Variants in EHF observed in about 807,000 individuals in gnomAD.
EHF encodes the protein ETS homologous factor.
Under a neutral mutation model 45.1 loss-of-function variants are expected in EHF, and 14 were observed. The observed-to-expected ratio is 0.31, with a 90% CI of 0.21 to 0.49. The LOEUF (loss-of-function observed/expected upper bound fraction) is 0.49, where lower values mean the gene tolerates loss of function less well. EHF is among the 20% of genes least tolerant of loss of function. The pLI is 0.99. For missense variants in EHF, 282 were observed against 371.4 expected (o/e 0.76, Z 1.98); for synonymous variants, 136 against 131.8 (o/e 1.03, Z -0.22).
intron 1 of EHF, among the ~76,000 whole-genome samples, chr11:34,624,739 T>C (rs1392788583): frequency 6.6e-6 from 1 of 152,148 alleles, no homozygotes; most frequent in African/African-American, 2.4e-5. Flanking sequence ...TGCTAAAATG[T>C]TTATTATTCT....
intron 6 of EHF, 99 bp from the exon 7 acceptor site, chr11:34,656,809 T>G (rs75156053): frequency 7.4e-7 from 1 of 1,348,088 alleles, no homozygotes; most frequent in African/African-American, 1.5e-5. Context: ...AGGCATGCAG[T>G]AGGTGCTCAG....
At chr11:34,644,994 T>C in intron 2 of EHF, among the ~76,000 whole-genome samples, 1 of 152,192 alleles carries the variant, frequency 6.6e-6, no homozygotes, top group Admixed American at 6.5e-5. Context: ...ACCCTTGAAT[T>C]TGTTGGAATA....
At chr11:34,646,850 T>C (rs1441930296) in intron 3 of EHF, 166 bp downstream of exon 3, 7 of 880,848 alleles carry the variant, frequency 7.9e-6, no homozygotes, top group African/African-American at 6.7e-5. Context: ...AAGGACAGGA[T>C]TGAAGCATAG....
intron 4 of EHF, 130 bp downstream of exon 4, chr11:34,649,211 T>C: frequency 1.1e-6 from 1 of 873,982 alleles, no homozygotes. Context: ...TCCCTGGCTG[T>C]CTCTGATGGG....
intron 6 of EHF, among the ~76,000 whole-genome samples, chr11:34,655,556 A>T (rs1165490183): frequency 6.6e-6 from 1 of 152,190 alleles, no homozygotes; most frequent in Admixed American, 6.5e-5. Context: ...CTGGCTCCAC[A>T]TTCCAGCTGT....
chr11:34,622,311 G>A (rs1165277915), intron 1 of EHF: 1 of 699,804 alleles, frequency 1.4e-6, no homozygotes, highest in Non-Finnish European at 2.1e-6. Context: ...AGGTGTCTCT[G>A]CTGGTTATCT....
intron 2 of EHF, among the ~76,000 whole-genome samples, chr11:34,643,672 C>G (rs1311003090): frequency 6.6e-6 from 1 of 152,180 alleles, no homozygotes; most frequent in Admixed American, 6.5e-5. Context: ...AAAGGGTGAG[C>G]AGGTGAGCTT....
At position 34,660,088 on chromosome 11, in the gene EHF, A is replaced by G. The variant is rs1855992953; in HGVS notation, c.*1157A>G. 1 of 152,178 alleles carries G rather than the reference A, an allele frequency of 6.6e-6. No homozygotes were observed. The highest frequency in any genetic ancestry group is 1.5e-5 in the Non-Finnish European group (1 of 68,028). The allele number at this position is 152,178 out of a possible 1,614,324, so 9.4% of individuals were successfully genotyped here. A position where few individuals can be genotyped will look rare whatever the true frequency, so the allele number is the denominator to read the frequency against. On this transcript the variant is annotated 3_prime_UTR_variant, in exon 9 of 9. Coordinates refer to ENST00000257831, the MANE Select transcript of EHF (RefSeq NM_012153.6). The stretch of plus-strand genomic sequence containing the variant: ...GTCTTTTAGCTCCTTAGAGTGAAGC[A>G]AAAGCAAGACTTCAACCTCAACCTA...
chr11:34,656,781 C>A, intron 6 of EHF, 127 bp from the exon 7 acceptor site: 1 of 1,012,250 alleles, frequency 9.9e-7, no homozygotes, highest in Non-Finnish European at 1.4e-6. Context: ...GGTTCACTAG[C>A]ACATACTCAA....
intron 2 of EHF, among the ~76,000 whole-genome samples, chr11:34,643,423 A>G (rs530341249): frequency 4.2e-4 from 64 of 152,274 alleles, no homozygotes; most frequent in African/African-American, 1.5e-3. Flanking sequence ...TCAGCTGTGC[A>G]TCCAACAGCA....
chr11:34,640,631 G>C (rs1853903197), intron 1 of EHF, among the ~76,000 whole-genome samples: 2 of 152,148 alleles, frequency 1.3e-5, no homozygotes, highest in African/African-American at 4.8e-5. Flanking sequence ...TAGCTTTAGG[G>C]CAATTGCTCT....
intron 2 of EHF, 145 bp downstream of exon 2, chr11:34,642,872 A>G (rs1854146432): frequency 1.7e-5 from 11 of 648,902 alleles, no homozygotes; most frequent in Non-Finnish European, 2.9e-5. Flanking sequence ...TCAGTTTTGG[A>G]GTTCCCTACC....
At chr11:34,648,622 CACCTTAGAAGTCATCTAGTG>C (rs1854821179) in intron 3 of EHF, among the ~76,000 whole-genome samples, 1 of 152,104 alleles carries the variant, frequency 6.6e-6, no homozygotes, top group African/African-American at 2.4e-5. Context: ...TATGGGAAAG[CACCTTAGAAGTCATCTAGTG>C]ACCTTATCTA....
chr11:34,625,583 C>G (rs1565020443), intron 1 of EHF, among the ~76,000 whole-genome samples: 2 of 152,146 alleles, frequency 1.3e-5, no homozygotes, highest in South Asian at 4.1e-4. Context: ...CCTGATGTGC[C>G]CAGAAAGCGT....
intron 1 of EHF, among the ~76,000 whole-genome samples, chr11:34,639,824 C>G (rs1032959295): frequency 1.4e-4 from 21 of 152,296 alleles, no homozygotes; most frequent in Middle Eastern, 3.4e-3. Context: ...TATGCACAGG[C>G]CATCTTTTTG....
At chr11:34,633,057 G>T (rs1159744623) in intron 1 of EHF, among the ~76,000 whole-genome samples, 5 of 152,172 alleles carry the variant, frequency 3.3e-5, no homozygotes, top group Non-Finnish European at 5.9e-5. Context: ...GTGGGATGGG[G>T]TTAGGGTGGC....
At chr11:34,655,571 C>A (rs961200078) in intron 6 of EHF, among the ~76,000 whole-genome samples, 1 of 152,178 alleles carries the variant, frequency 6.6e-6, no homozygotes, top group Non-Finnish European at 1.5e-5. Flanking sequence ...AGCTGTGTGA[C>A]TCTAGTCAAG....
chr11:34,622,557 T>A, intron 1 of EHF: 1 of 301,596 alleles, frequency 3.3e-6, no homozygotes, highest in Non-Finnish European at 5.9e-6. Context: ...AAGAATTTCA[T>A]GGCTAGGAGA....
chr11:34,622,526 A>G (rs566351290), intron 1 of EHF: 5 of 455,514 alleles, frequency 1.1e-5, no homozygotes, highest in African/African-American at 8.3e-5. Context: ...CTAACAGAAA[A>G]GAAGAAGATA....
Sources: allele counts gnomAD v4.1 joint callset (sites outside exome capture counted in the v4.1 genomes callset), GRCh38; gene constraint gnomAD v4.1.1; transcripts MANE v1.5; gene names NCBI Gene and HGNC (gene_info 2026-07-23, HGNC 2026-07-21).